MAPKAP1: variants seen among roughly 807,000 people sequenced by gnomAD.
MAPKAP1 encodes target of rapamycin complex 2 subunit MAPKAP1.
A neutral mutation model predicts 65.7 loss-of-function variants in MAPKAP1; 20 were observed. The observed-to-expected ratio is 0.30, with a 90% confidence interval of 0.21 to 0.44. MAPKAP1 has a LOEUF of 0.44. Among genes scored for constraint, MAPKAP1 ranks in the 20% least tolerant of loss-of-function variants. The pLI is 1.00. For missense variants in MAPKAP1, 423 were observed against 648.0 expected (o/e 0.65, Z 3.77); for synonymous variants, 222 against 244.3 (o/e 0.91, Z 0.85).
intron 3 of MAPKAP1, among the ~76,000 whole-genome samples, chr9:125,667,493 T>A (rs996325024): frequency 6.6e-6 from 1 of 152,206 alleles, no homozygotes; most frequent in African/African-American, 2.4e-5. Context: ...CTAATTTATA[T>A]TTTTAGTTGA....
At chr9:125,590,076 G>A (rs900505178) in intron 4 of MAPKAP1, among the ~76,000 whole-genome samples, 2 of 152,094 alleles carry the variant, frequency 1.3e-5, no homozygotes, top group Admixed American at 6.5e-5. Flanking sequence ...GCTTGTCATT[G>A]CTCTCTCTTT....
In MAPKAP1 at chr9:125,624,840, C is replaced by G. The variant is rs923610157; in HGVS notation, c.498+32811G>C. ...AAAGATTGAGAGATCGGATGGTTGC[C>G]GTGTCTGTGTGGAAGGAAGTAGACA... On this transcript the variant is annotated intron_variant, in intron 4 of 11. Coordinates refer to ENST00000265960, the MANE Select transcript of MAPKAP1 (RefSeq NM_001006617.3). Among the ~76,000 whole-genome samples, 4 of 86,424 alleles carry G rather than the reference C, an allele frequency of 4.6e-5. No individual in the cohort carries two copies. In the Admixed American group the frequency reaches 5.0e-4, roughly 11 times the overall value. 56.7% of individuals were successfully genotyped at this position (86,424 alleles called of 152,430 possible).
chr9:125,476,451 C>T (rs909902658), intron 9 of MAPKAP1, among the ~76,000 whole-genome samples: 17 of 152,066 alleles, frequency 1.1e-4, no homozygotes, highest in Admixed American at 5.2e-4. Flanking sequence ...TAGTGTTCAA[C>T]GGCAAAGTGA....
chr9:125,509,124 T>A (rs1360336232), intron 7 of MAPKAP1, among the ~76,000 whole-genome samples: 2 of 152,110 alleles, frequency 1.3e-5, no homozygotes, highest in Admixed American at 1.3e-4. Context: ...GCTAGAATAG[T>A]GGACATGAAA....
intron 4 of MAPKAP1, chr9:125,596,139 G>A (rs1381757086): frequency 4.6e-5 from 36 of 782,118 alleles, no homozygotes; most frequent in South Asian, 2.7e-4. Flanking sequence ...CCACGACTCC[G>A]TGGATAAGAC....
intron 4 of MAPKAP1, among the ~76,000 whole-genome samples, chr9:125,654,969 A>G (rs1202368438): frequency 6.6e-6 from 1 of 152,144 alleles, no homozygotes; most frequent in Admixed American, 6.6e-5. Context: ...CTCCCCAATT[A>G]TGTACTATTT....
chr9:125,456,221 G>GT (rs1319484558), intron 10 of MAPKAP1, among the ~76,000 whole-genome samples: 1 of 152,038 alleles, frequency 6.6e-6, no homozygotes, highest in African/African-American at 2.4e-5. Flanking sequence ...CCTTGGTGTG[G>GT]TTTTCTTTAT....
rs143510824 is a variant in MAPKAP1, at chr9:125,637,178, A to G, written c.498+20473T>C. 1.3e-3 allele frequency among the ~76,000 whole-genome samples: 196 copies of G among 152,278 alleles called. 1 individual carries two copies. The highest frequency in any genetic ancestry group is 4.6e-3 in the African/African-American group (189 of 41,526). On this transcript the variant is annotated intron_variant, in intron 4 of 11. Coordinates refer to ENST00000265960, the MANE Select transcript of MAPKAP1 (RefSeq NM_001006617.3). ...CAGCTACTTGGGAGGCTGAGGCAAG[A>G]GAATCACTTGAACCCAGGAGGCCAA...
chr9:125,618,341 CAAAAAAAAAAAA>C (rs60166871), intron 4 of MAPKAP1, among the ~76,000 whole-genome samples: 12 of 31,218 alleles, frequency 3.8e-4, no homozygotes, highest in East Asian at 1.0e-3. Flanking sequence ...GGCTCCGTCT[CAAAAAAAAAAAA>C]AAAAAAAAAA....
chr9:125,567,565 C>G (rs1442110134), intron 5 of MAPKAP1: 1 of 152,252 alleles, frequency 6.6e-6, no homozygotes, highest in Non-Finnish European at 1.5e-5. Context: ...AAATAGGCAA[C>G]CAGCAGCTCC....
intron 8 of MAPKAP1, among the ~76,000 whole-genome samples, chr9:125,495,931 CAGTT>C (rs1468095708): frequency 2.0e-5 from 3 of 152,212 alleles, no homozygotes; most frequent in Non-Finnish European, 2.9e-5. Context: ...GTGTCTGTGA[CAGTT>C]GGTTGGCCTC....
intron 4 of MAPKAP1, among the ~76,000 whole-genome samples, chr9:125,645,044 GACAA>G (rs1466347638): frequency 2.0e-5 from 3 of 152,164 alleles, no homozygotes; most frequent in South Asian, 2.1e-4. Context: ...GAGTTTTGAA[GACAA>G]ACAAATTCAT....
intron 4 of MAPKAP1, among the ~76,000 whole-genome samples, chr9:125,613,472 T>C (rs1002975648): frequency 5.3e-5 from 8 of 152,136 alleles, no homozygotes; most frequent in Non-Finnish European, 1.0e-4. Context: ...CCTGACCCCC[T>C]TACCCTAACT....
intron 5 of MAPKAP1, among the ~76,000 whole-genome samples, chr9:125,560,912 A>G (rs1466745059): frequency 3.3e-5 from 5 of 152,220 alleles, no homozygotes; most frequent in African/African-American, 1.2e-4. Flanking sequence ...TGATCTGTTC[A>G]AAGAGGATGG....
intron 8 of MAPKAP1, among the ~76,000 whole-genome samples, chr9:125,494,863 G>C (rs1407052271): frequency 6.6e-6 from 1 of 152,134 alleles, no homozygotes; most frequent in Non-Finnish European, 1.5e-5. Flanking sequence ...TCACAGCACT[G>C]ATCACAATTG....
chr9:125,669,666 G>C, intron 3 of MAPKAP1, 152 bp downstream of exon 3: 1 of 440,344 alleles, frequency 2.3e-6, no homozygotes, highest in Non-Finnish European at 4.0e-6. Context: ...GCTTCAGAGG[G>C]TCAAGGCACA....
intron 4 of MAPKAP1, among the ~76,000 whole-genome samples, chr9:125,642,096 T>C (rs1413033921): frequency 6.6e-6 from 1 of 151,818 alleles, no homozygotes; most frequent in African/African-American, 2.4e-5. Context: ...TCCAAGCTAC[T>C]TGGGAGGCTG....
intron 6 of MAPKAP1, among the ~76,000 whole-genome samples, chr9:125,544,933 T>TCC (rs1830377912): frequency 6.6e-6 from 1 of 152,168 alleles, no homozygotes; most frequent in Non-Finnish European, 1.5e-5. Context: ...CTAATTTGCT[T>TCC]CCCTAATACA....
At chr9:125,617,465 A>G (rs968598824) in intron 4 of MAPKAP1, among the ~76,000 whole-genome samples, 6 of 152,234 alleles carry the variant, frequency 3.9e-5, no homozygotes, top group Non-Finnish European at 8.8e-5. Flanking sequence ...TCAAAATAAA[A>G]TAAATCTTTT....
Sources: gnomAD v4.1 joint callset for allele counts (sites outside exome capture counted in the v4.1 genomes callset) on GRCh38, gnomAD v4.1.1 for gene constraint, MANE v1.5 for transcripts, NCBI Gene and HGNC (gene_info 2026-07-23, HGNC 2026-07-21) for gene names.